Variants in OIP5 observed in about 807,000 individuals in gnomAD.
The protein encoded by OIP5 is Opa interacting protein 5, also known as protein Mis18-beta.
A neutral mutation model predicts 20.3 loss-of-function variants in OIP5; 24 were observed. The observed-to-expected ratio is 1.18, with a 90% CI of 0.86 to 1.66. The LOEUF is 1.66. Ranked by LOEUF, OIP5 falls within the 40% of genes most tolerant of loss-of-function variation. OIP5 has a pLI of 0.00. For missense variants in OIP5, 339 were observed against 289.5 expected (o/e 1.17, Z -1.24); for synonymous variants, 143 against 121.3 (o/e 1.18, Z -1.17).
At chr15:41,331,228 C>A (rs140473076) in intron 2 of OIP5, among the ~76,000 whole-genome samples, 21 of 152,322 alleles carry the variant, frequency 1.4e-4, no homozygotes, top group African/African-American at 4.8e-4. Context: ...TTTATTGTCA[C>A]TTGTAAATCA....
intron 4 of OIP5, among the ~76,000 whole-genome samples, chr15:41,310,898 A>C (rs771793086): frequency 6.6e-6 from 1 of 152,242 alleles, no homozygotes; most frequent in African/African-American, 2.4e-5. Context: ...AACTGTTGCA[A>C]TTAGGTAATT....
intron 3 of OIP5, among the ~76,000 whole-genome samples, chr15:41,317,166 T>C (rs1471322253): frequency 6.6e-6 from 1 of 152,172 alleles, no homozygotes; most frequent in African/African-American, 2.4e-5. Context: ...ATCATTATTT[T>C]TACTTTTCTC....
intron 2 of OIP5, among the ~76,000 whole-genome samples, chr15:41,324,308 C>T (rs1156312828): frequency 1.3e-5 from 2 of 151,356 alleles, no homozygotes; most frequent in Non-Finnish European, 1.5e-5. Flanking sequence ...ATTTGATACT[C>T]TAAACTTCTT....
intron 2 of OIP5, among the ~76,000 whole-genome samples, chr15:41,329,205 G>GA: frequency 6.7e-6 from 1 of 150,150 alleles, no homozygotes; most frequent in South Asian, 2.1e-4. Context: ...CCTACACTTA[G>GA]AAAAAAATCA....
intron 2 of OIP5, among the ~76,000 whole-genome samples, chr15:41,329,277 T>G (rs2047882057): frequency 6.6e-6 from 1 of 150,762 alleles, no homozygotes; most frequent in African/African-American, 2.4e-5. Flanking sequence ...CTCATCTTAC[T>G]CCACAAATAC....
chr15:41,327,029 G>A (rs1487036415), intron 2 of OIP5, among the ~76,000 whole-genome samples: 1 of 151,128 alleles, frequency 6.6e-6, no homozygotes, highest in Non-Finnish European at 1.5e-5. Flanking sequence ...CCAAAGTGAT[G>A]AAGAGTTGAT....
chr15:41,330,640 T>C (rs2047893842), intron 2 of OIP5, among the ~76,000 whole-genome samples: 1 of 151,964 alleles, frequency 6.6e-6, no homozygotes, highest in African/African-American at 2.4e-5. Context: ...CCTGACCTTG[T>C]GATCCGCCCG....
intron 3 of OIP5, among the ~76,000 whole-genome samples, chr15:41,316,859 TTTGAG>T (rs1435677619): frequency 4.0e-5 from 6 of 151,878 alleles, no homozygotes; most frequent in African/African-American, 1.5e-4. Flanking sequence ...AAAATAAGCT[TTTGAG>T]TTAAGACATG....
intron 3 of OIP5, among the ~76,000 whole-genome samples, chr15:41,315,941 C>G (rs2047786295): frequency 6.6e-6 from 1 of 152,024 alleles, no homozygotes; most frequent in Non-Finnish European, 1.5e-5. Flanking sequence ...TGCTGGCTAA[C>G]ACGGTAAAAC....
chr15:41,328,610 C>T (rs1379217710), intron 2 of OIP5, among the ~76,000 whole-genome samples: 2 of 152,056 alleles, frequency 1.3e-5, no homozygotes, highest in Non-Finnish European at 2.9e-5. Flanking sequence ...AAAATGTAGA[C>T]GGAAGTAACC....
intron 2 of OIP5, among the ~76,000 whole-genome samples, chr15:41,329,857 C>T (rs1455449192): frequency 6.6e-6 from 1 of 151,626 alleles, no homozygotes; most frequent in African/African-American, 2.4e-5. Context: ...CCCGCCACCA[C>T]GCCCAGCTAA....
intron 4 of OIP5, among the ~76,000 whole-genome samples, chr15:41,312,352 G>C (rs1455352267): frequency 6.6e-6 from 1 of 151,144 alleles, no homozygotes; most frequent in East Asian, 2.0e-4. Flanking sequence ...GTAGAGACAG[G>C]GTTTCTCCAT....
intron 2 of OIP5, 116 bp downstream of exon 2, chr15:41,331,799 G>GAGT (rs1567029972): frequency 9.7e-6 from 8 of 825,788 alleles, no homozygotes; most frequent in Non-Finnish European, 8.3e-6. Context: ...GTTCATATAA[G>GAGT]AGTCAAACAG....
At chr15:41,316,306 C>T (rs959099639) in intron 3 of OIP5, among the ~76,000 whole-genome samples, 21 of 151,398 alleles carry the variant, frequency 1.4e-4, no homozygotes, top group African/African-American at 2.9e-4. Context: ...AGTGAGACTC[C>T]GTCTTTAAAA....
At position 41,317,789 on chromosome 15, in the gene OIP5, C is replaced by A. The variant is rs2047797211; in HGVS notation, c.512+1869G>T. Among the ~76,000 whole-genome samples the A allele has an allele frequency of 2.6e-5, 4 of 152,142 alleles. No individual in the cohort carries two copies. The East Asian group carries it at 7.7e-4, about 29-fold the overall frequency. ...GAACTCCTGGGCTGTAGCTATCCTCCCACCTTAGCCTCCAGAGTAGCTAGG... is the reference window on the plus strand; with the variant it reads ...GAACTCCTGGGCTGTAGCTATCCTCACACCTTAGCCTCCAGAGTAGCTAGG... On this transcript the variant is annotated intron_variant, in intron 3 of 4. Transcript: ENST00000220514.
intron 4 of OIP5, 64 bp from the exon 5 acceptor site, chr15:41,309,913 G>C (rs775595534): frequency 8.7e-7 from 1 of 1,152,000 alleles, no homozygotes; most frequent in Non-Finnish European, 1.3e-6. Context: ...TTAAGAGACA[G>C]GGTCTCACTC....
chr15:41,328,997 C>A (rs113408498), intron 2 of OIP5, among the ~76,000 whole-genome samples: 5,767 of 131,866 alleles, frequency 0.044, 231 homozygotes, highest in African/African-American at 0.11. Context: ...ACCCGGGAGG[C>A]GGAGGTTGCA....
At chr15:41,311,088 C>G (rs1471920433) in intron 4 of OIP5, among the ~76,000 whole-genome samples, 2 of 152,136 alleles carry the variant, frequency 1.3e-5, no homozygotes, top group Non-Finnish European at 2.9e-5. Context: ...AGCAGAAGCA[C>G]TTGAACCTGG....
intron 3 of OIP5, among the ~76,000 whole-genome samples, chr15:41,317,413 C>T (rs1300425604): frequency 1.3e-5 from 2 of 149,562 alleles, no homozygotes; most frequent in Non-Finnish European, 3.0e-5. Context: ...CAGAGTCTCG[C>T]TCTGTTGCCA....
Sources: allele counts gnomAD v4.1 joint callset (sites outside exome capture counted in the v4.1 genomes callset), GRCh38; gene constraint gnomAD v4.1.1; transcripts MANE v1.5; gene names NCBI Gene and HGNC (gene_info 2026-07-23, HGNC 2026-07-21).